Variants in USP6NL observed in about 807,000 individuals in gnomAD.
The protein encoded by USP6NL is USP6 N-terminal-like protein.
USP6NL carries 26 observed loss-of-function variants against 61.9 expected under a neutral mutation model. That is an observed-to-expected ratio of 0.42 (90% CI 0.31 to 0.58). The LOEUF is 0.58. USP6NL is among the 20% of genes least tolerant of loss of function. The probability of loss-of-function intolerance (pLI) is 0.16; values close to 1 mark genes in which losing one functional copy is unlikely to be tolerated. For missense variants in USP6NL, 1,114 were observed against 1,034.3 expected (o/e 1.08, Z -1.06); for synonymous variants, 432 against 390.1 (o/e 1.11, Z -1.27).
chr10:11,575,467 T>C lies in USP6NL; in HGVS notation c.4+22164A>G, dbSNP rs775945527. Among the ~76,000 whole-genome samples, 58 of 152,216 alleles carry C rather than the reference T, an allele frequency of 3.8e-4. No homozygotes were observed. The highest frequency in any genetic ancestry group is 3.8e-4 in the Non-Finnish European group (26 of 68,024). Reference sequence around the variant, plus strand: ...GCTTTCCTCTCTCCCAGTCTTTCTCTTTCTGCAAGGAAGGAGATAAGCAGG... The same window carrying C: ...GCTTTCCTCTCTCCCAGTCTTTCTCCTTCTGCAAGGAAGGAGATAAGCAGG... On this transcript the variant is annotated intron_variant, in intron 2 of 14. Coordinates refer to ENST00000609104, the MANE Select transcript of USP6NL (RefSeq NM_014688.5). The surrounding 1 kb of genome is among the most constrained non-coding windows in gnomAD (Gnocchi z 4.2).
Position 11,463,294 on chromosome 10 carries a change from C to G in USP6NL, c.1634G>C (p.Gly545Ala), listed in dbSNP as rs1015578106. The G allele has an allele frequency of 6.2e-7, 1 of 1,613,730 alleles. No homozygotes were observed. The change falls in exon 15 of 15, where the codon GGC (glycine) becomes GCC (alanine). Residue 545 changes from glycine (G) to alanine (A), a missense_variant. Physicochemically the swap from Gly to Ala is moderately conservative, Grantham distance 60 (BLOSUM62 0). Coordinates refer to ENST00000609104, the MANE Select transcript of USP6NL (RefSeq NM_014688.5). The surrounding 1 kb of genome is among the most constrained non-coding windows in gnomAD (Gnocchi z 6.3). The part of the protein sequence containing the change: ...KALDAEDGKR[G>A]STASQYDNVP... ...GTTGTCGTACTGCGATGCAGTGGAG[C>G]CCCGCTTCCCGTCCTCAGCATCCAG... is the stretch of plus-strand genomic sequence containing the variant.
intron 6 of USP6NL, among the ~76,000 whole-genome samples, chr10:11,504,414 A>G (rs1355652507): frequency 3.3e-5 from 5 of 152,186 alleles, no homozygotes; most frequent in East Asian, 1.9e-4. Flanking sequence ...TCAGCCCCAT[A>G]ATGTAGGTTC....
chr10:11,544,367 T>A (rs528840186), intron 2 of USP6NL, among the ~76,000 whole-genome samples: 1 of 152,256 alleles, frequency 6.6e-6, no homozygotes, highest in East Asian at 1.9e-4. Flanking sequence ...ACATTTTACA[T>A]GAAAGATCTG....
At chr10:11,576,535 C>G (rs1837551483) in intron 2 of USP6NL, among the ~76,000 whole-genome samples, 1 of 152,206 alleles carries the variant, frequency 6.6e-6, no homozygotes, top group South Asian at 2.1e-4. Context: ...TGCCTTTCCA[C>G]GACGTGAGGA....
intron 7 of USP6NL, among the ~76,000 whole-genome samples, chr10:11,494,210 T>A (rs556966917): frequency 4.5e-4 from 69 of 152,338 alleles, no homozygotes; most frequent in Middle Eastern, 3.4e-3. Context: ...GTGTTGCTAT[T>A]CTGTTTCTTT....
rs1328902973 is a variant in USP6NL at position 11,575,632 on chromosome 10, T to G, written c.4+21999A>C. Among the ~76,000 whole-genome samples the G allele has an allele frequency of 6.6e-6, 1 of 152,222 alleles. No homozygotes were observed. The highest frequency in any genetic ancestry group is 2.4e-5 in the African/African-American group (1 of 41,456). ...ACTGGTTTTGAAAATGAAAATCACA[T>G]AGCAATCACTTTGAACACATTGGTT... On this transcript the variant is annotated intron_variant, in intron 2 of 14. Transcript: ENST00000609104. The surrounding 1 kb of genome is among the most constrained non-coding windows in gnomAD (Gnocchi z 4.2).
rs563774421 is a variant in USP6NL at position 11,608,295 on chromosome 10, G to A, written c.-84+3148C>T. The stretch of plus-strand genomic sequence containing the variant: ...ATGTCAAGAGTCACTCCCAGGTCTG[G>A]TATGGATACAGACGAGTAGAATGAC... On this transcript the variant is annotated intron_variant, in intron 1 of 14. Coordinates refer to ENST00000609104, the MANE Select transcript of USP6NL (RefSeq NM_014688.5). 8.5e-5 allele frequency among the ~76,000 whole-genome samples: 13 copies of A among 152,324 alleles called. No homozygotes were observed. In the East Asian group the frequency reaches 2.5e-3, roughly 29 times the overall value.
intron 2 of USP6NL, among the ~76,000 whole-genome samples, chr10:11,570,195 G>A (rs1837306834): frequency 6.6e-6 from 1 of 152,136 alleles, no homozygotes; most frequent in African/African-American, 2.4e-5. Flanking sequence ...CCCCGCTTGA[G>A]GTTCCATGAG....
In USP6NL at chr10:11,532,574, G is replaced by A. The variant is rs1266183401; in HGVS notation, c.5-5007C>T. 6.6e-6 allele frequency among the ~76,000 whole-genome samples: 1 copy of A among 152,188 alleles called. No homozygotes were observed. The highest frequency in any genetic ancestry group is 6.5e-5 in the Admixed American group (1 of 15,278). ...GCATTCCATCCGCTAACAAACAGCGGCTTGAAAGAAGCAGCTTCATAATGT... is the reference window on the plus strand; with the variant it reads ...GCATTCCATCCGCTAACAAACAGCGACTTGAAAGAAGCAGCTTCATAATGT... On this transcript the variant is annotated intron_variant, in intron 2 of 14. Coordinates refer to ENST00000609104, the MANE Select transcript of USP6NL (RefSeq NM_014688.5). This position sits in a 1 kb window ranked among gnomAD's most constrained non-coding sequence, Gnocchi z 4.1.
intron 7 of USP6NL, among the ~76,000 whole-genome samples, chr10:11,494,582 C>G (rs981854715): frequency 5.9e-5 from 9 of 152,062 alleles, no homozygotes; most frequent in African/African-American, 2.2e-4. Flanking sequence ...CAGTAGTGGC[C>G]CCGAATGTCT....
intron 13 of USP6NL, among the ~76,000 whole-genome samples, chr10:11,484,051 A>G (rs2133234353): frequency 6.6e-6 from 1 of 152,330 alleles, no homozygotes; most frequent in Non-Finnish European, 1.5e-5. Flanking sequence ...GAGAAAAACT[A>G]TAAACAAGAC....
rs372938898 is a variant in USP6NL at position 11,509,658 on chromosome 10, A to G, written c.213T>C (p.Ile71=). Residue 71 remains isoleucine (I), a synonymous_variant, in exon 6 of 15, where the codon ATT becomes ATC. Coordinates refer to ENST00000609104, the MANE Select transcript of USP6NL (RefSeq NM_014688.5). ...VAVERQKHLE[I]ERTTKWLKML... is the part of the protein sequence containing the mutation. ...TTTTCAGCCATTTGGTAGTTCTTTC[A>G]ATTTCCAGGTGCTTTTGCTAAAATA... 6.4e-7 allele frequency: 1 copy of G among 1,566,784 alleles called. No individual in the cohort carries two copies. The highest frequency in any genetic ancestry group is 8.7e-7 in the Non-Finnish European group (1 of 1,154,386).
chr10:11,514,908 T>C (rs1834890061), intron 5 of USP6NL, among the ~76,000 whole-genome samples: 1 of 152,228 alleles, frequency 6.6e-6, no homozygotes, highest in African/African-American at 2.4e-5. Flanking sequence ...CTCCATTACC[T>C]CTACTAGCTA....
At chr10:11,514,132 A>G (rs1219040583) in intron 5 of USP6NL, among the ~76,000 whole-genome samples, 1 of 150,946 alleles carries the variant, frequency 6.6e-6, no homozygotes, top group African/African-American at 2.4e-5. Flanking sequence ...TTTTGTAACT[A>G]ATGAATAATC....
At chr10:11,512,229 T>G (rs1375062571) in intron 5 of USP6NL, among the ~76,000 whole-genome samples, 1 of 152,134 alleles carries the variant, frequency 6.6e-6, no homozygotes, top group African/African-American at 2.4e-5. Context: ...AGTCGACATA[T>G]CCGAAACTAT....
Position 11,594,799 on chromosome 10 carries a change from A to G in USP6NL, c.4+2832T>C, listed in dbSNP as rs546205612. Among the ~76,000 whole-genome samples, 6 of 152,378 alleles carry G rather than the reference A, an allele frequency of 3.9e-5. No individual in the cohort carries two copies. In the South Asian group the frequency reaches 8.3e-4, roughly 21 times the overall value. Reference sequence around the variant, plus strand: ...ACTTACAAACACCCAAGGTAGTGCAATATTTATTTAACACCTATTTAGTGC... The same window carrying G: ...ACTTACAAACACCCAAGGTAGTGCAGTATTTATTTAACACCTATTTAGTGC... On this transcript the variant is annotated intron_variant, in intron 2 of 14. Transcript: ENST00000609104.
chr10:11,578,322 ATCCATTTT>A (rs887977639), intron 2 of USP6NL, among the ~76,000 whole-genome samples: 1 of 152,102 alleles, frequency 6.6e-6, no homozygotes, highest in Non-Finnish European at 1.5e-5. Flanking sequence ...TATACTTCTA[ATCCATTTT>A]TCTTGTTTTA....
In USP6NL at chr10:11,463,052, G is replaced by A. The variant is rs912985639; in HGVS notation, c.1876C>T (p.Leu626=). Residue 626 remains leucine, a synonymous_variant, in exon 15 of 15, where the codon CTA becomes TTA. Transcript: ENST00000609104. This position sits in a 1 kb window ranked among gnomAD's most constrained non-coding sequence, Gnocchi z 6.3. ...TTGCTGTAGGAGGGGGGATGAGCTAGCCCTCGGGCTTCCCCATCTAGCTGG... is the reference window on the plus strand; with the variant it reads ...TTGCTGTAGGAGGGGGGATGAGCTAACCCTCGGGCTTCCCCATCTAGCTGG... ...PSQLDGEARG[L]AHPPSYSNPP... 3.7e-6 allele frequency: 6 copies of A among 1,613,928 alleles called. No homozygotes were observed. The highest frequency in any genetic ancestry group is 1.6e-4 in the Middle Eastern group (1 of 6,084).
intron 1 of USP6NL, among the ~76,000 whole-genome samples, chr10:11,610,215 A>C (rs1838844575): frequency 6.6e-6 from 1 of 152,228 alleles, no homozygotes; most frequent in Non-Finnish European, 1.5e-5. Context: ...TCTACGTAGA[A>C]TACAACATGG....
Sources: gnomAD v4.1 joint callset for allele counts (sites outside exome capture counted in the v4.1 genomes callset) on GRCh38, gnomAD v4.1.1 for gene constraint, Gnocchi (gnomAD v3.1) non-coding constraint, MANE v1.5 for transcripts, NCBI Gene and HGNC (gene_info 2026-07-23, HGNC 2026-07-21) for gene names.